The following GRID1 variants were observed in gnomAD, a reference collection of about 807,000 sequenced individuals.
The protein encoded by GRID1 is glutamate ionotropic receptor delta type subunit 1, also known as glutamate receptor ionotropic, delta-1.
GRID1 carries 28 observed loss-of-function variants against 98.0 expected under a neutral mutation model. That is an observed-to-expected ratio of 0.29 (90% CI 0.21 to 0.39). The LOEUF is 0.39. Among genes scored for constraint, GRID1 ranks in the 10% least tolerant of loss-of-function variants. The probability of loss-of-function intolerance (pLI) is 1.00; values close to 1 mark genes in which losing one functional copy is unlikely to be tolerated. For synonymous variants in GRID1, 553 were observed against 538.5 expected (o/e 1.03, Z -0.37); for missense variants, 1,111 against 1,340.5 (o/e 0.83, Z 2.67).
At chr10:85,603,838 G>T (rs570567417) in intron 15 of GRID1, among the ~76,000 whole-genome samples, 38 of 152,168 alleles carry the variant, frequency 2.5e-4, no homozygotes, top group Non-Finnish European at 2.9e-5. Flanking sequence ...CCCTGCAGGT[G>T]GTCTCATGTT....
intron 4 of GRID1, among the ~76,000 whole-genome samples, chr10:86,132,536 C>T (rs1844853545): frequency 6.6e-6 from 1 of 152,172 alleles, no homozygotes; most frequent in South Asian, 2.1e-4. Context: ...AAAAATTAAT[C>T]TCCTATAATT....
intron 12 of GRID1, among the ~76,000 whole-genome samples, chr10:85,679,555 A>G (rs1841183414): frequency 6.6e-6 from 1 of 152,182 alleles, no homozygotes; most frequent in Non-Finnish European, 1.5e-5. Flanking sequence ...ACAGATACAG[A>G]TATCAATGCC....
intron 4 of GRID1, among the ~76,000 whole-genome samples, chr10:85,959,017 G>A (rs1842231405): frequency 6.6e-6 from 1 of 152,052 alleles, no homozygotes; most frequent in African/African-American, 2.4e-5. Flanking sequence ...GAGGAAGCGG[G>A]AACTTTGTCT....
At chr10:85,648,244 TA>T (rs1843223027) in intron 12 of GRID1, among the ~76,000 whole-genome samples, 1 of 152,034 alleles carries the variant, frequency 6.6e-6, no homozygotes, top group African/African-American at 2.4e-5. Context: ...ACTTCTGAGC[TA>T]GGGGCAGAGG....
At chr10:86,058,003 A>T (rs536219857) in intron 4 of GRID1, among the ~76,000 whole-genome samples, 1 of 152,340 alleles carries the variant, frequency 6.6e-6, no homozygotes, top group East Asian at 1.9e-4. Flanking sequence ...CCATTGTGTC[A>T]TAGGTTAGGT....
chr10:86,275,192 G>C lies in GRID1; in HGVS notation c.236-68544C>G, dbSNP rs1379685570. On this transcript the variant is annotated intron_variant, in intron 2 of 15. Coordinates refer to ENST00000327946, the MANE Select transcript of GRID1 (RefSeq NM_017551.3). ...GCCAAACACAGGCTAAAGGATCAGAGACTTCAGTGATCACACAAGACAATG... is the reference window on the plus strand; with the variant it reads ...GCCAAACACAGGCTAAAGGATCAGACACTTCAGTGATCACACAAGACAATG... 2.6e-5 allele frequency among the ~76,000 whole-genome samples: 4 copies of C among 152,062 alleles called. No individual in the cohort carries two copies. In the East Asian group the frequency reaches 5.8e-4, roughly 22 times the overall value.
intron 4 of GRID1, among the ~76,000 whole-genome samples, chr10:85,967,769 G>A (rs939036551): frequency 2.0e-5 from 3 of 152,204 alleles, no homozygotes; most frequent in Non-Finnish European, 2.9e-5. Context: ...ATTCTTGAAA[G>A]TAGCAAGAAA....
chr10:86,028,227 C>T (rs1843140914), intron 4 of GRID1, among the ~76,000 whole-genome samples: 1 of 152,320 alleles, frequency 6.6e-6, no homozygotes, highest in African/African-American at 2.4e-5. Context: ...ATGTGTGCTG[C>T]CCCACCAAAC....
intron 4 of GRID1, among the ~76,000 whole-genome samples, chr10:85,957,728 A>T (rs1000209584): frequency 6.6e-6 from 1 of 152,182 alleles, no homozygotes; most frequent in Non-Finnish European, 1.5e-5. Context: ...TCTGCAGGCC[A>T]TGCTCTCCCT....
At chr10:85,966,086 T>A (rs1442717812) in intron 4 of GRID1, among the ~76,000 whole-genome samples, 1 of 152,216 alleles carries the variant, frequency 6.6e-6, no homozygotes, top group Non-Finnish European at 1.5e-5. Flanking sequence ...TTGACGTGTT[T>A]CCTGGAAGAT....
chr10:86,240,671 C>T (rs1381854882), intron 2 of GRID1, among the ~76,000 whole-genome samples: 1 of 152,168 alleles, frequency 6.6e-6, no homozygotes, highest in Non-Finnish European at 1.5e-5. Flanking sequence ...CAACTGCTCC[C>T]CTATGGAATG....
intron 4 of GRID1, among the ~76,000 whole-genome samples, chr10:85,966,641 C>T (rs1214756618): frequency 6.6e-6 from 1 of 152,038 alleles, no homozygotes; most frequent in Non-Finnish European, 1.5e-5. Context: ...AGGCAAAACC[C>T]TAGCTCTACT....
intron 2 of GRID1, among the ~76,000 whole-genome samples, chr10:86,323,470 T>C (rs950811456): frequency 2.6e-5 from 4 of 152,226 alleles, no homozygotes; most frequent in African/African-American, 9.6e-5. Flanking sequence ...GGCATAAACC[T>C]TAAATTCTCT....
At chr10:86,088,181 T>C (rs1424318971) in intron 4 of GRID1, among the ~76,000 whole-genome samples, 1 of 152,206 alleles carries the variant, frequency 6.6e-6, no homozygotes, top group African/African-American at 2.4e-5. Flanking sequence ...CAGCCCGCTG[T>C]TTGATAAAGG....
chr10:85,697,549 T>C (rs538007121), intron 12 of GRID1, among the ~76,000 whole-genome samples: 2 of 152,308 alleles, frequency 1.3e-5, no homozygotes, highest in Non-Finnish European at 2.9e-5. Flanking sequence ...TTTATAGTTA[T>C]TAATAATGAG....
intron 4 of GRID1, among the ~76,000 whole-genome samples, chr10:85,965,848 G>A (rs1428917729): frequency 6.6e-6 from 1 of 152,004 alleles, no homozygotes; most frequent in Non-Finnish European, 1.5e-5. Context: ...CCTAAGGAGT[G>A]TTTATTCAAA....
chr10:86,143,528 C>A (rs1845039773), intron 3 of GRID1, among the ~76,000 whole-genome samples: 1 of 152,218 alleles, frequency 6.6e-6, no homozygotes, highest in Non-Finnish European at 1.5e-5. Context: ...TTGGCTCCCA[C>A]AGAGCTCTGG....
intron 4 of GRID1, among the ~76,000 whole-genome samples, chr10:85,990,755 A>C (rs1296458565): frequency 6.6e-6 from 1 of 152,182 alleles, no homozygotes; most frequent in African/African-American, 2.4e-5. Flanking sequence ...GTTTTATTTT[A>C]AGTTGAATGG....
intron 2 of GRID1, among the ~76,000 whole-genome samples, chr10:86,213,208 TC>T (rs1450769551): frequency 6.6e-6 from 1 of 151,632 alleles, no homozygotes; most frequent in African/African-American, 2.4e-5. Flanking sequence ...CAACTAGGAG[TC>T]AACTCAGGGT....
Sources: gnomAD v4.1 joint callset for allele counts (sites outside exome capture counted in the v4.1 genomes callset) on GRCh38, gnomAD v4.1.1 for gene constraint, MANE v1.5 for transcripts, NCBI Gene and HGNC (gene_info 2026-07-23, HGNC 2026-07-21) for gene names.